Variants in NMRAL1 observed in about 807,000 individuals in gnomAD.
NMRAL1 encodes nmrA-like family domain-containing protein 1.
A neutral mutation model predicts 27.5 loss-of-function variants in NMRAL1; 32 were observed. The observed-to-expected ratio is 1.16, with a 90% CI of 0.88 to 1.56. The LOEUF (loss-of-function observed/expected upper bound fraction) is 1.56. NMRAL1 is among the 40% of genes most tolerant of loss of function. The probability of loss-of-function intolerance (pLI) is 0.00; values close to 1 mark genes in which losing one functional copy is unlikely to be tolerated. For synonymous variants in NMRAL1, 166 were observed against 166.8 expected (o/e 1.00, Z 0.04); for missense variants, 420 against 392.0 (o/e 1.07, Z -0.60).
intron 3 of NMRAL1, chr16:4,467,232 C>CTTGTT (rs1188742132): frequency 1.3e-5 from 2 of 152,130 alleles, no homozygotes; most frequent in Non-Finnish European, 2.9e-5. Context: ...CCTCAAACCC[C>CTTGTT]TTGTTTTGTT....
At chr16:4,465,312 C>T (rs1009761088) in intron 4 of NMRAL1, among the ~76,000 whole-genome samples, 2 of 152,154 alleles carry the variant, frequency 1.3e-5, no homozygotes, top group South Asian at 2.1e-4. Context: ...GGCCCTTATG[C>T]GAGGGTGACC....
intron 4 of NMRAL1, among the ~76,000 whole-genome samples, chr16:4,465,200 C>A (rs2057274108): frequency 6.6e-6 from 1 of 152,234 alleles, no homozygotes; most frequent in African/African-American, 2.4e-5. Flanking sequence ...GCGTAAGCCA[C>A]TGCGCCTGGC....
intron 4 of NMRAL1, among the ~76,000 whole-genome samples, chr16:4,464,742 G>A (rs1163166688): frequency 6.6e-6 from 1 of 151,252 alleles, no homozygotes; most frequent in Non-Finnish European, 1.5e-5. Context: ...AGCCTCCCGA[G>A]TAGCTGGGAC....
At chr16:4,468,615 CAAA>C (rs59245472) in intron 3 of NMRAL1, among the ~76,000 whole-genome samples, 1 of 128,262 alleles carries the variant, frequency 7.8e-6, no homozygotes. Context: ...GACTCAGTCT[CAAA>C]AAAAAAAAAA....
chr16:4,470,696 C>G (rs1446624936), intron 2 of NMRAL1, among the ~76,000 whole-genome samples: 1 of 151,970 alleles, frequency 6.6e-6, no homozygotes, highest in Non-Finnish European at 1.5e-5. Context: ...AACTGTAATC[C>G]CAGCACTTTG....
chr16:4,470,763 C>T (rs370927154), intron 2 of NMRAL1, among the ~76,000 whole-genome samples: 1 of 151,606 alleles, frequency 6.6e-6, no homozygotes. Flanking sequence ...CTGGCTAACA[C>T]GGTGAAACCC....
chr16:4,468,203 G>T (rs1029670526), intron 3 of NMRAL1, among the ~76,000 whole-genome samples: 1 of 152,168 alleles, frequency 6.6e-6, no homozygotes, highest in African/African-American at 2.4e-5. Flanking sequence ...TCGGGAGGCT[G>T]GGGCAGGAGA....
intron 3 of NMRAL1, chr16:4,466,832 A>G (rs898438206): frequency 4.8e-6 from 1 of 206,476 alleles, no homozygotes; most frequent in Non-Finnish European, 9.9e-6. Context: ...ATGTACGAGC[A>G]GTGTGACCCC....
At chr16:4,462,277 G>A (rs550140885) in intron 5 of NMRAL1, among the ~76,000 whole-genome samples, 2 of 152,222 alleles carry the variant, frequency 1.3e-5, no homozygotes, top group African/African-American at 4.8e-5. Flanking sequence ...CCAGGAGTTC[G>A]AGACCAGCGT....
intron 5 of NMRAL1, 120 bp downstream of exon 5, chr16:4,463,540 G>T: frequency 1.3e-6 from 1 of 774,810 alleles, no homozygotes. Flanking sequence ...AAACGTTGAC[G>T]ATGAACGAAT....
rs2057447323 is a variant in NMRAL1, at chr16:4,469,114, G to A, written c.279+113C>T. 3 of 709,084 alleles carry A rather than the reference G, an allele frequency of 4.2e-6. No individual in the cohort carries two copies. The East Asian group carries it at 7.4e-5, about 18-fold the overall frequency. 43.9% of individuals were successfully genotyped at this position (709,084 alleles called of 1,614,324 possible). On this transcript the variant is annotated intron_variant, in intron 3 of 5. Coordinates refer to ENST00000283429, the MANE Select transcript of NMRAL1 (RefSeq NM_020677.6). ...CACAGCCTAGAGCAGGCAGAGGCAT[G>A]AAGAAGAGGGAAAGGCCTGCAGTGC...
chr16:4,467,268 CTG>C (rs2141435604), intron 3 of NMRAL1: 1 of 152,492 alleles, frequency 6.6e-6, no homozygotes, highest in African/African-American at 2.4e-5. Context: ...GACTCTCACT[CTG>C]TCACCCAGGC....
At chr16:4,474,216 C>T (rs2057729922) in intron 1 of NMRAL1, 50 bp from the exon 2 acceptor site, 2 of 1,408,486 alleles carry the variant, frequency 1.4e-6, no homozygotes, top group Non-Finnish European at 9.9e-7. Flanking sequence ...GGGTTCCCGC[C>T]AGGAGCGACA....
At position 4,461,695 on chromosome 16, in the gene NMRAL1, G is replaced by T; in HGVS notation, c.*85C>A. On this transcript the variant is annotated 3_prime_UTR_variant, in exon 6 of 6. Coordinates refer to ENST00000283429, the MANE Select transcript of NMRAL1 (RefSeq NM_020677.6). ...AGTCCTCTTCTCCTGGAAGCCATCT[G>T]GGAGAACAATGGCTTTATTCAGATG... The T allele has an allele frequency of 7.7e-7, 1 of 1,296,450 alleles. No individual in the cohort carries two copies. The highest frequency in any genetic ancestry group is 1.1e-6 in the Non-Finnish European group (1 of 938,780). The allele number at this position is 1,296,450 out of a possible 1,614,324, so 80.3% of individuals were successfully genotyped here.
intron 2 of NMRAL1, among the ~76,000 whole-genome samples, chr16:4,470,295 C>A (rs1673971555): frequency 6.7e-6 from 1 of 149,088 alleles, no homozygotes; most frequent in African/African-American, 2.5e-5. Context: ...CATGGAGAAA[C>A]CACTGTCTCT....
intron 5 of NMRAL1, among the ~76,000 whole-genome samples, chr16:4,462,848 G>A (rs554931760): frequency 6.6e-6 from 1 of 151,518 alleles, no homozygotes. Context: ...AAGGACTCCA[G>A]TGTTTCCCAG....
chr16:4,463,605 G>T (rs530569225), intron 5 of NMRAL1, 55 bp downstream of exon 5: 6 of 1,553,996 alleles, frequency 3.9e-6, no homozygotes, highest in East Asian at 2.2e-5. Context: ...CCCTCCCTAC[G>T]GGAGCTAGAA....
chr16:4,469,531 C>G (rs2057468255), intron 2 of NMRAL1, 66 bp from the exon 3 acceptor site: 1 of 1,598,268 alleles, frequency 6.3e-7, no homozygotes, highest in Admixed American at 1.7e-5. Context: ...GGGCGAAACC[C>G]CGAAGGGAGT....
In NMRAL1 at chr16:4,469,209, G is replaced by A. The variant is rs2057451383; in HGVS notation, c.279+18C>T. ...CCTAGCCTGGCCGGGCCTCCCTGCA[G>A]CTCCTGCCTGCCCTCACCTGCTTGA... On this transcript the variant is annotated intron_variant, in intron 3 of 5. Coordinates refer to ENST00000283429, the MANE Select transcript of NMRAL1 (RefSeq NM_020677.6). 3 of 1,584,732 alleles carry A rather than the reference G, an allele frequency of 1.9e-6. No individual in the cohort carries two copies. In the East Asian group the frequency reaches 6.7e-5, roughly 35 times the overall value.
Sources: gnomAD v4.1 joint callset for allele counts (sites outside exome capture counted in the v4.1 genomes callset) on GRCh38, gnomAD v4.1.1 for gene constraint, MANE v1.5 for transcripts, NCBI Gene and HGNC (gene_info 2026-07-23, HGNC 2026-07-21) for gene names.